Variants in CFAP20DC observed in about 807,000 individuals in gnomAD.
The protein encoded by CFAP20DC is CFAP20 domain containing, also known as protein CFAP20DC.
In CFAP20DC, 84 loss-of-function variants were observed where a neutral mutation model predicts 101.7. The ratio of observed to expected loss-of-function variants is 0.83; its 90% CI spans 0.69 to 0.99. The LOEUF (loss-of-function observed/expected upper bound fraction) is 0.99. CFAP20DC is among the 50% of genes least tolerant of loss of function. The probability of loss-of-function intolerance (pLI) is 0.00; values close to 1 mark genes in which losing one functional copy is unlikely to be tolerated. For synonymous variants in CFAP20DC, 359 were observed against 351.2 expected, an observed-to-expected ratio of 1.02 and a Z score of -0.25; for missense variants, 1,007 against 970.3, an observed-to-expected ratio of 1.04 and a Z score of -0.50.
rs550977425 is a variant in CFAP20DC, at chr3:59,023,370, G to A, written c.278+16187C>T. Reference sequence around the variant, plus strand: ...TGTACACAATTGTGAGAACACCGAGGAAACAGAGATGTTACTACAACTGGA... The same window carrying A: ...TGTACACAATTGTGAGAACACCGAGAAAACAGAGATGTTACTACAACTGGA... On this transcript the variant is annotated intron_variant, in intron 4 of 16. Transcript: ENST00000482387. Among the ~76,000 whole-genome samples the A allele has an allele frequency of 8.5e-5, 13 of 152,182 alleles. No homozygotes were observed. The East Asian group carries it at 2.3e-3, about 27-fold the overall frequency.
chr3:58,946,478 C>G (rs2089380846), intron 4 of CFAP20DC, among the ~76,000 whole-genome samples: 1 of 152,060 alleles, frequency 6.6e-6, no homozygotes, highest in African/African-American at 2.4e-5. Context: ...GAATGTCACC[C>G]CTAAGTTCCA....
At chr3:58,884,172 G>A (rs2081428705) in intron 7 of CFAP20DC, among the ~76,000 whole-genome samples, 1 of 152,124 alleles carries the variant, frequency 6.6e-6, no homozygotes, top group Non-Finnish European at 1.5e-5. Context: ...CTTCCAGTTG[G>A]CTTCAGTCCC....
chr3:58,884,558 T>C lies in CFAP20DC; in HGVS notation c.702A>G (p.Arg234=). The C allele has an allele frequency of 6.2e-7, 1 of 1,613,968 alleles. No individual in the cohort carries two copies. Among genetic ancestry groups the C allele is most frequent in the African/African-American group, 1.3e-5 (1 of 75,036 alleles). ...CTGAGTGTCTACCTGATTCTGCTGA[T>C]CTTAGAGGATGGCCTCCGAATTTTA... ...TEIKFGGHPL[R]SAESDQFINR... The change falls in exon 7 of 17, where the codon AGA becomes AGG. Residue 234 remains arginine, a synonymous_variant. Transcript: ENST00000482387.
At chr3:58,845,834 C>T (rs1037370643) in intron 13 of CFAP20DC, among the ~76,000 whole-genome samples, 9 of 150,990 alleles carry the variant, frequency 6.0e-5, no homozygotes, top group African/African-American at 1.7e-4. Context: ...TGGGCTTCAT[C>T]CCTGGGTTGC....
intron 11 of CFAP20DC, among the ~76,000 whole-genome samples, chr3:58,865,276 C>G (rs1044924443): frequency 6.6e-6 from 1 of 151,958 alleles, no homozygotes; most frequent in Non-Finnish European, 1.5e-5. Context: ...AAAGCAAAAG[C>G]AAAAGAACCC....
At chr3:58,946,824 T>C (rs1442460260) in intron 4 of CFAP20DC, among the ~76,000 whole-genome samples, 1 of 152,180 alleles carries the variant, frequency 6.6e-6, no homozygotes, top group Non-Finnish European at 1.5e-5. Flanking sequence ...GATATAATTA[T>C]AAATAGTTAG....
chr3:58,907,815 C>A (rs765336946), intron 6 of CFAP20DC, among the ~76,000 whole-genome samples: 1 of 152,104 alleles, frequency 6.6e-6, no homozygotes. Flanking sequence ...AGATAGGGTG[C>A]GTACAAGGCG....
chr3:58,967,799 T>G (rs2091678839), intron 4 of CFAP20DC, among the ~76,000 whole-genome samples: 1 of 152,180 alleles, frequency 6.6e-6, no homozygotes, highest in Non-Finnish European at 1.5e-5. Context: ...ACAGATTATT[T>G]CATCACCCAG....
At chr3:58,934,645 C>T (rs1315882710) in intron 5 of CFAP20DC, among the ~76,000 whole-genome samples, 1 of 152,086 alleles carries the variant, frequency 6.6e-6, no homozygotes, top group Non-Finnish European at 1.5e-5. Flanking sequence ...TGTAATCCAG[C>T]ATATAAACAG....
intron 3 of CFAP20DC, among the ~76,000 whole-genome samples, chr3:58,731,562 T>G (rs1169431174): frequency 6.6e-6 from 1 of 152,248 alleles, no homozygotes; most frequent in Non-Finnish European, 1.5e-5. Context: ...AATAAATTTC[T>G]GAAATAATAC....
At position 58,863,071 on chromosome 3, in the gene CFAP20DC, G is replaced by C. The variant is rs1182178614; in HGVS notation, c.1593+487C>G. 4 of 993,076 alleles carry C rather than the reference G, an allele frequency of 4.0e-6. No homozygotes were observed. Among genetic ancestry groups the C allele is most frequent in the East Asian group, 2.2e-4 (2 of 9,120 alleles). The allele number at this position is 993,076 out of a possible 1,614,324, so 61.5% of individuals were successfully genotyped here. ...CGACTCATTATCTAAACTTTAATTG[G>C]CACAACTCTTCAAATTCTGGGACCA... On this transcript the variant is annotated intron_variant, in intron 12 of 16. Transcript: ENST00000482387. This position sits in a 1 kb window ranked among gnomAD's most constrained non-coding sequence, Gnocchi z 5.9.
At chr3:58,843,972 T>C (rs1400554635) in intron 13 of CFAP20DC, among the ~76,000 whole-genome samples, 1 of 91,708 alleles carries the variant, frequency 1.1e-5, no homozygotes, top group Non-Finnish European at 2.2e-5. Context: ...CTGAGAGATT[T>C]TGTCACCACC....
At chr3:58,778,399 C>G (rs2071529879) in intron 15 of CFAP20DC, among the ~76,000 whole-genome samples, 1 of 152,088 alleles carries the variant, frequency 6.6e-6, no homozygotes, top group Non-Finnish European at 1.5e-5. Context: ...TGAGGTGGGG[C>G]GTTCTCTACC....
At chr3:58,980,420 C>G (rs866966842) in intron 4 of CFAP20DC, among the ~76,000 whole-genome samples, 1 of 152,074 alleles carries the variant, frequency 6.6e-6, no homozygotes, top group East Asian at 1.9e-4. Flanking sequence ...AATTTTAGAC[C>G]AATATCCTTG....
At position 58,795,154 on chromosome 3, in the gene CFAP20DC, G is replaced by T. The variant is rs950297520; in HGVS notation, c.2237+11241C>A. 6.6e-6 allele frequency among the ~76,000 whole-genome samples: 1 copy of T among 152,148 alleles called. No individual in the cohort carries two copies. The highest frequency in any genetic ancestry group is 1.5e-5 in the Non-Finnish European group (1 of 68,034). On this transcript the variant is annotated intron_variant, in intron 15 of 16. Transcript: ENST00000482387. The surrounding 1 kb of genome is among the most constrained non-coding windows in gnomAD (Gnocchi z 4.2). ...TTTTTTAAAGGTTCTCATTACTCTT[G>T]AGGGGGAAGCTGAATCTTTTAATTA...
intron 5 of CFAP20DC, among the ~76,000 whole-genome samples, chr3:58,937,384 T>G (rs571653201): frequency 6.6e-6 from 1 of 152,326 alleles, no homozygotes; most frequent in East Asian, 1.9e-4. Flanking sequence ...GATGGATTCC[T>G]TTCCCTTTCA....
Position 59,006,231 on chromosome 3 carries a change from T to G in CFAP20DC, c.278+33326A>C, listed in dbSNP as rs568151656. 1.3e-5 allele frequency among the ~76,000 whole-genome samples: 2 copies of G among 152,138 alleles called. No individual in the cohort carries two copies. The highest frequency in any genetic ancestry group is 4.2e-4 in the South Asian group (2 of 4,808). ...GCTACTGTCATCCCAGCAACCAGAA[T>G]AAGCCAAGAAAACTATAAAATCATG... On this transcript the variant is annotated intron_variant, in intron 4 of 16. Transcript: ENST00000482387. The surrounding 1 kb of genome is among the most constrained non-coding windows in gnomAD (Gnocchi z 4.3).
rs541342554 is a variant in CFAP20DC at position 58,842,938 on chromosome 3, C to A, written c.1971+6094G>T. ...CACACGGCAGCGTATTCCAACAGAC[C>A]TGCAGCTGAGGGTCCTGTCTGTTAG... is the stretch of plus-strand genomic sequence containing the variant. On this transcript the variant is annotated intron_variant, in intron 13 of 16. Transcript: ENST00000482387. Among the ~76,000 whole-genome samples the A allele has an allele frequency of 5.3e-5, 8 of 152,308 alleles. No individual in the cohort carries two copies. In the East Asian group the frequency reaches 1.5e-3, roughly 29 times the overall value.
intron 5 of CFAP20DC, among the ~76,000 whole-genome samples, chr3:58,929,764 A>G (rs1209630176): frequency 6.6e-6 from 1 of 152,226 alleles, no homozygotes; most frequent in Non-Finnish European, 1.5e-5. Flanking sequence ...AGAAATGGTC[A>G]GTATGCACTC....
Sources: allele counts gnomAD v4.1 joint callset (sites outside exome capture counted in the v4.1 genomes callset), GRCh38; gene constraint gnomAD v4.1.1; non-coding constraint Gnocchi (gnomAD v3.1); transcripts MANE v1.5; gene names NCBI Gene and HGNC (gene_info 2026-07-23, HGNC 2026-07-21).